SH3RF3: variants seen among roughly 807,000 people sequenced by gnomAD.
SH3RF3 encodes the protein E3 ubiquitin-protein ligase SH3RF3.
SH3RF3 carries 29 observed loss-of-function variants against 66.3 expected under a neutral mutation model. That is an observed-to-expected ratio of 0.44 (90% CI 0.33 to 0.60). The LOEUF (loss-of-function observed/expected upper bound fraction) is 0.60, where lower values mean the gene tolerates loss of function less well. SH3RF3 is among the 20% of genes least tolerant of loss of function. SH3RF3 has a pLI of 0.04. For synonymous variants in SH3RF3, 583 were observed against 532.0 expected (o/e 1.10, Z -1.32); for missense variants, 1,194 against 1,190.9 (o/e 1.00, Z -0.04).
intron 8 of SH3RF3, among the ~76,000 whole-genome samples, chr2:109,453,306 C>T (rs1400493455): frequency 2.6e-5 from 4 of 152,208 alleles, no homozygotes; most frequent in Non-Finnish European, 5.9e-5. Flanking sequence ...CCAACACCCA[C>T]AAGTTACACA....
chr2:109,371,371 C>G (rs1314994117), intron 2 of SH3RF3, among the ~76,000 whole-genome samples: 2 of 152,208 alleles, frequency 1.3e-5, no homozygotes, highest in Non-Finnish European at 2.9e-5. Flanking sequence ...GCCTGGGTGG[C>G]AGAGCGAGAC....
intron 8 of SH3RF3, among the ~76,000 whole-genome samples, chr2:109,469,584 C>G (rs1678449172): frequency 6.6e-6 from 1 of 151,968 alleles, no homozygotes; most frequent in African/African-American, 2.4e-5. Context: ...GTGACTTCTC[C>G]TAGGTGGGCT....
chr2:109,243,842 C>T (rs572352415), intron 1 of SH3RF3, among the ~76,000 whole-genome samples: 6 of 152,276 alleles, frequency 3.9e-5, no homozygotes, highest in Non-Finnish European at 7.4e-5. Flanking sequence ...CAGGACAATA[C>T]GTGATCTGGT....
At chr2:109,150,297 G>GAGGGGA (rs1677199058) in intron 1 of SH3RF3, among the ~76,000 whole-genome samples, 3 of 152,104 alleles carry the variant, frequency 2.0e-5, no homozygotes, top group Admixed American at 2.0e-4. Context: ...CAAATGAAAG[G>GAGGGGA]AGGGGAAGGG....
Position 109,129,605 on chromosome 2 carries a change from G to A in SH3RF3, c.65G>A (p.Gly22Asp), listed in dbSNP as rs984663872. 1 of 1,481,440 alleles carries A rather than the reference G, an allele frequency of 6.8e-7. No individual in the cohort carries two copies. The highest frequency in any genetic ancestry group is 8.9e-7 in the Non-Finnish European group (1 of 1,125,122). 91.8% of individuals were successfully genotyped at this position (1,481,440 alleles called of 1,614,324 possible). The stretch of plus-strand genomic sequence containing the variant: ...GCCGCCGCTGCTGCGCAGAGCGAGG[G>A]CGACGAGGACAGGCCAGGCGAGCGA... ...KAAAAAAQSE[G>D]DEDRPGERRR... The change falls in exon 1 of 10, where the codon GGC becomes GAC. Residue 22 changes from glycine (G) to aspartate (D), a missense_variant. Coordinates refer to ENST00000309415, the MANE Select transcript of SH3RF3 (RefSeq NM_001099289.3).
chr2:109,452,904 G>T (rs1026550897), intron 8 of SH3RF3, among the ~76,000 whole-genome samples: 1 of 147,022 alleles, frequency 6.8e-6, no homozygotes, highest in Admixed American at 6.7e-5. Flanking sequence ...GGCTGGTCCC[G>T]GGAGGCTGGT....
chr2:109,351,669 G>T lies in SH3RF3; in HGVS notation c.849+3720G>T, dbSNP rs117142035. On this transcript the variant is annotated intron_variant, in intron 2 of 9. Coordinates refer to ENST00000309415, the MANE Select transcript of SH3RF3 (RefSeq NM_001099289.3). Reference sequence around the variant, plus strand: ...AGAGGCCACGGGGTTTTCTCAGAGAGTGCCCGCTGATCATGGAATCACTTT... The same window carrying T: ...AGAGGCCACGGGGTTTTCTCAGAGATTGCCCGCTGATCATGGAATCACTTT... Among the ~76,000 whole-genome samples, 976 of 152,358 alleles carry T rather than the reference G, an allele frequency of 6.4e-3. 11 individuals carry two copies. The highest frequency in any genetic ancestry group is 0.05 in the East Asian group (257 of 5,182).
intron 1 of SH3RF3, among the ~76,000 whole-genome samples, chr2:109,306,104 TA>T (rs1681591121): frequency 6.6e-6 from 1 of 152,200 alleles, no homozygotes; most frequent in Non-Finnish European, 1.5e-5. Context: ...TACCTCACGC[TA>T]AAGTTGTTTC....
chr2:109,156,814 C>CCT (rs1677359315), intron 1 of SH3RF3, among the ~76,000 whole-genome samples: 2 of 152,126 alleles, frequency 1.3e-5, no homozygotes, highest in Admixed American at 1.3e-4. Context: ...TCTCTGCTGA[C>CCT]CTGATTGCCA....
At chr2:109,218,397 G>T (rs1268968114) in intron 1 of SH3RF3, among the ~76,000 whole-genome samples, 1 of 152,138 alleles carries the variant, frequency 6.6e-6, no homozygotes, top group African/African-American at 2.4e-5. Context: ...AAATGTTCTA[G>T]AAACAGTCTT....
intron 1 of SH3RF3, among the ~76,000 whole-genome samples, chr2:109,316,011 G>C (rs144958675): frequency 0.015 from 2,260 of 152,294 alleles, 44 homozygotes; most frequent in African/African-American, 0.051. Flanking sequence ...GCATGCATCA[G>C]GGGCTTTTTT....
Position 109,454,124 on chromosome 2 carries a change from G to C in SH3RF3, c.2148+4635G>C, listed in dbSNP as rs1004734527. ...ACATTACATGGTGAGATAAGAGAGA[G>C]AAGAAAACAAAGGTACTGCTTAATA... On this transcript the variant is annotated intron_variant, in intron 8 of 9. Transcript: ENST00000309415. Among the ~76,000 whole-genome samples, 13 of 152,322 alleles carry C rather than the reference G, an allele frequency of 8.5e-5. No individual in the cohort carries two copies. In the South Asian group the frequency reaches 2.3e-3, roughly 27 times the overall value.
chr2:109,343,390 T>C (rs974101854), intron 1 of SH3RF3, among the ~76,000 whole-genome samples: 38 of 152,168 alleles, frequency 2.5e-4, no homozygotes, highest in African/African-American at 6.5e-4. Flanking sequence ...CCCTCAGAAA[T>C]GTGTCCTGCA....
At chr2:109,394,832 T>C (rs1676096385) in intron 3 of SH3RF3, among the ~76,000 whole-genome samples, 1 of 152,166 alleles carries the variant, frequency 6.6e-6, no homozygotes, top group South Asian at 2.1e-4. Context: ...CCCTGCAGCA[T>C]GGAGGCCTGT....
At chr2:109,228,259 G>A (rs1297289059) in intron 1 of SH3RF3, among the ~76,000 whole-genome samples, 1 of 152,178 alleles carries the variant, frequency 6.6e-6, no homozygotes, top group South Asian at 2.1e-4. Flanking sequence ...TTAGCAGTGC[G>A]TGTCTATCCC....
At chr2:109,169,019 A>G (rs769834728) in intron 1 of SH3RF3, among the ~76,000 whole-genome samples, 3 of 152,206 alleles carry the variant, frequency 2.0e-5, no homozygotes, top group African/African-American at 7.2e-5. Context: ...TTTGCCTAAC[A>G]GGACTCTCCC....
intron 1 of SH3RF3, among the ~76,000 whole-genome samples, chr2:109,254,495 G>A (rs1185878167): frequency 6.6e-6 from 1 of 152,162 alleles, no homozygotes; most frequent in Non-Finnish European, 1.5e-5. Flanking sequence ...TACCAGCCTC[G>A]TTCAGCTTTG....
intron 1 of SH3RF3, among the ~76,000 whole-genome samples, chr2:109,280,721 T>C (rs1240095424): frequency 8.5e-5 from 13 of 152,300 alleles, no homozygotes; most frequent in South Asian, 2.1e-4. Context: ...TCTGGAGACG[T>C]TGGAAATGGG....
At chr2:109,366,478 G>GGCA (rs151238957) in intron 2 of SH3RF3, among the ~76,000 whole-genome samples, 20,347 of 152,164 alleles carry the variant, frequency 0.13, 1,484 homozygotes, top group Middle Eastern at 0.24. Flanking sequence ...GAATGTATGT[G>GGCA]TGCATATATA....
Sources: gnomAD v4.1 joint callset for allele counts (sites outside exome capture counted in the v4.1 genomes callset) on GRCh38, gnomAD v4.1.1 for gene constraint, MANE v1.5 for transcripts, NCBI Gene and HGNC (gene_info 2026-07-23, HGNC 2026-07-21) for gene names.